Variants in REEP1 observed in about 807,000 individuals in gnomAD.
REEP1 encodes receptor accessory protein 1.
REEP1 carries 22 observed loss-of-function variants against 40.3 expected under a neutral mutation model. The observed-to-expected ratio is 0.55, with a 90% confidence interval of 0.39 to 0.78. The LOEUF (loss-of-function observed/expected upper bound fraction) is 0.78, where lower values mean the gene tolerates loss of function less well. Ranked by LOEUF, REEP1 falls within the 30% of genes least tolerant of loss-of-function variation. The pLI, the probability that REEP1 is intolerant of heterozygous loss-of-function variation, is 0.00. For missense variants in REEP1, 280 were observed against 361.1 expected, an observed-to-expected ratio of 0.78 and a Z score of 1.82; for synonymous variants, 116 against 139.2, an observed-to-expected ratio of 0.83 and a Z score of 1.17.
intron 2 of REEP1, among the ~76,000 whole-genome samples, chr2:86,273,154 A>AG (rs1448124099): frequency 6.6e-6 from 1 of 151,246 alleles, no homozygotes; most frequent in African/African-American, 2.4e-5. Flanking sequence ...AAAAAAAAAA[A>AG]ATTCTTAAAC....
At chr2:86,236,837 G>A (rs542248218) in intron 5 of REEP1, among the ~76,000 whole-genome samples, 4 of 151,762 alleles carry the variant, frequency 2.6e-5, no homozygotes, top group Admixed American at 2.0e-4. Context: ...CCGCGTTCAC[G>A]CATTCTCTTG....
intron 1 of REEP1, among the ~76,000 whole-genome samples, chr2:86,301,060 CA>C (rs1359080001): frequency 6.6e-6 from 1 of 152,190 alleles, no homozygotes; most frequent in African/African-American, 2.4e-5. Context: ...AGGTGACCAC[CA>C]AACGTGTATG....
At chr2:86,283,439 A>G (rs568887024) in intron 1 of REEP1, among the ~76,000 whole-genome samples, 1 of 152,294 alleles carries the variant, frequency 6.6e-6, no homozygotes, top group African/African-American at 2.4e-5. Flanking sequence ...CCACAGACGG[A>G]GCTTTCAGAG....
At chr2:86,306,138 A>C (rs933712666) in intron 1 of REEP1, among the ~76,000 whole-genome samples, 2 of 152,094 alleles carry the variant, frequency 1.3e-5, no homozygotes, top group Non-Finnish European at 2.9e-5. Flanking sequence ...CATATGGACT[A>C]TTAAATTTTT....
chr2:86,305,353 G>A (rs1046648319), intron 1 of REEP1, among the ~76,000 whole-genome samples: 2 of 152,110 alleles, frequency 1.3e-5, no homozygotes, highest in African/African-American at 4.8e-5. Flanking sequence ...CTGTGTACCC[G>A]TTTCCTCCCT....
At chr2:86,250,109 A>C (rs1676187831) in intron 5 of REEP1, among the ~76,000 whole-genome samples, 2 of 152,228 alleles carry the variant, frequency 1.3e-5, no homozygotes, top group African/African-American at 4.8e-5. Context: ...GTTAGGGGAC[A>C]GGCAGTGACT....
intron 6 of REEP1, among the ~76,000 whole-genome samples, chr2:86,229,471 T>C (rs1369943947): frequency 1.3e-5 from 2 of 152,086 alleles, no homozygotes; most frequent in African/African-American, 4.8e-5. Context: ...CCGGTATAAA[T>C]TGGCTTCCTC....
At chr2:86,226,314 G>A (rs1674695488) in intron 7 of REEP1, among the ~76,000 whole-genome samples, 1 of 151,966 alleles carries the variant, frequency 6.6e-6, no homozygotes, top group Admixed American at 6.6e-5. Flanking sequence ...GCAAGTAAGT[G>A]GCAAAGCAGG....
chr2:86,302,155 A>T (rs948968961), intron 1 of REEP1, among the ~76,000 whole-genome samples: 3 of 152,222 alleles, frequency 2.0e-5, no homozygotes, highest in African/African-American at 7.2e-5. Context: ...AAAGCTGTGC[A>T]GTCTCTTCAG....
rs371282275 is a variant in REEP1, at chr2:86,260,950, C to T, written c.182+3015G>A. 2.6e-5 allele frequency among the ~76,000 whole-genome samples: 4 copies of T among 152,238 alleles called. No homozygotes were observed. In the South Asian group the frequency reaches 8.3e-4, roughly 32 times the overall value. ...AGCAATAGAAAACTAATATGCCTCC[C>T]AAAATCAAAATGAAATCAATTCCAG... is the stretch of plus-strand genomic sequence containing the variant. On this transcript the variant is annotated intron_variant, in intron 3 of 8. Transcript: ENST00000538924.
chr2:86,293,574 T>C (rs149684666), intron 1 of REEP1, among the ~76,000 whole-genome samples: 1,933 of 152,352 alleles, frequency 0.013, 46 homozygotes, highest in African/African-American at 0.043. Context: ...AGGGTGAATT[T>C]CACTGTGTGC....
intron 7 of REEP1, among the ~76,000 whole-genome samples, chr2:86,224,186 T>C (rs1674574078): frequency 6.6e-6 from 1 of 152,196 alleles, no homozygotes; most frequent in Non-Finnish European, 1.5e-5. Context: ...CTAGAAAATG[T>C]TCCTGTCTGC....
chr2:86,274,021 T>G lies in REEP1; in HGVS notation c.105+8149A>C, dbSNP rs1031750939. On this transcript the variant is annotated intron_variant, in intron 2 of 8. Coordinates refer to ENST00000538924, the MANE Select transcript of REEP1 (RefSeq NM_001371279.1). The stretch of plus-strand genomic sequence containing the variant: ...GGCACTGTGAATGGGACAGAAAGAA[T>G]GGTTTCAAAAGGTTAAGAAAGAGTA... Among the ~76,000 whole-genome samples the G allele has an allele frequency of 5.3e-5, 8 of 152,322 alleles. No homozygotes were observed. In the East Asian group the frequency reaches 1.3e-3, roughly 26 times the overall value.
chr2:86,224,291 G>A (rs1214716493), intron 7 of REEP1, among the ~76,000 whole-genome samples: 1 of 152,172 alleles, frequency 6.6e-6, no homozygotes, highest in Non-Finnish European at 1.5e-5. Flanking sequence ...CATTTCAGGG[G>A]ACCAGGAGGA....
chr2:86,314,731 C>T (rs201951628), intron 1 of REEP1, among the ~76,000 whole-genome samples: 3 of 149,202 alleles, frequency 2.0e-5, no homozygotes, highest in South Asian at 2.2e-4. Context: ...AGTGCAGTGG[C>T]GCGATCTTGG....
chr2:86,317,027 G>A, intron 1 of REEP1, among the ~76,000 whole-genome samples: 2 of 152,178 alleles, frequency 1.3e-5, no homozygotes, highest in Non-Finnish European at 2.9e-5. Flanking sequence ...GAGACAGTCT[G>A]ACACTCTGAC....
At chr2:86,231,816 G>T (rs148553430) in intron 6 of REEP1, among the ~76,000 whole-genome samples, 212 of 152,280 alleles carry the variant, frequency 1.4e-3, no homozygotes, top group Non-Finnish European at 2.1e-3. Context: ...CCCTCCATGA[G>T]CCTGAAACCC....
intron 1 of REEP1, among the ~76,000 whole-genome samples, chr2:86,283,721 T>C (rs560831200): frequency 6.6e-6 from 1 of 152,340 alleles, no homozygotes; most frequent in Admixed American, 6.5e-5. Flanking sequence ...TGCGAAGTGC[T>C]TTAGAGCTTT....
chr2:86,255,356 C>T (rs1055745959), intron 3 of REEP1, among the ~76,000 whole-genome samples: 1 of 152,196 alleles, frequency 6.6e-6, no homozygotes, highest in African/African-American at 2.4e-5. Flanking sequence ...GAGCCCAGCT[C>T]TTGGCAGGAA....
Sources: gnomAD v4.1 joint callset for allele counts (sites outside exome capture counted in the v4.1 genomes callset) on GRCh38, gnomAD v4.1.1 for gene constraint, MANE v1.5 for transcripts, NCBI Gene and HGNC (gene_info 2026-07-23, HGNC 2026-07-21) for gene names.